Variants in CUX1 observed in about 807,000 individuals in gnomAD.
CUX1 encodes cut like homeobox 1.
A neutral mutation model predicts 158.8 loss-of-function variants in CUX1; 31 were observed. The observed-to-expected ratio is 0.20, with a 90% CI of 0.15 to 0.26. The LOEUF (loss-of-function observed/expected upper bound fraction) is 0.26. Among genes scored for constraint, CUX1 ranks in the 10% least tolerant of loss-of-function variants. The probability of loss-of-function intolerance (pLI) is 1.00; values close to 1 mark genes in which losing one functional copy is unlikely to be tolerated. For synonymous variants in CUX1, 879 were observed against 862.1 expected (o/e 1.02, Z -0.34); for missense variants, 1,589 against 2,014.6 (o/e 0.79, Z 4.04).
chr7:102,078,573 A>C (rs1827030247), intron 4 of CUX1, among the ~76,000 whole-genome samples: 1 of 152,182 alleles, frequency 6.6e-6, no homozygotes, highest in Non-Finnish European at 1.5e-5. Context: ...AAACCCTTCA[A>C]ATATAAAGGC....
At chr7:102,103,041 TCTG>T (rs1238486654) in intron 5 of CUX1, among the ~76,000 whole-genome samples, 2 of 152,170 alleles carry the variant, frequency 1.3e-5, no homozygotes, top group African/African-American at 4.8e-5. Flanking sequence ...TGAGGTGATG[TCTG>T]TGAACCTGCA....
At chr7:102,114,539 A>T (rs925523167) in intron 7 of CUX1, among the ~76,000 whole-genome samples, 3 of 152,200 alleles carry the variant, frequency 2.0e-5, no homozygotes, top group Non-Finnish European at 2.9e-5. Context: ...AGCCTCCCAA[A>T]GTGTGAGCCA....
intron 8 of CUX1, among the ~76,000 whole-genome samples, chr7:102,149,400 C>T (rs184554398): frequency 9.9e-4 from 19 of 19,118 alleles, no homozygotes; most frequent in African/African-American, 4.0e-3. Flanking sequence ...GGGGTCCCTG[C>T]CCACCCACCC....
intron 22 of CUX1, among the ~76,000 whole-genome samples, chr7:102,235,143 C>T (rs1799415100): frequency 6.6e-6 from 1 of 152,246 alleles, no homozygotes. Context: ...GTTCTTCTTG[C>T]AGCCTGTAGG....
intron 1 of CUX1, among the ~76,000 whole-genome samples, chr7:101,875,864 T>G (rs181100833): frequency 6.6e-6 from 1 of 152,262 alleles, no homozygotes; most frequent in East Asian, 1.9e-4. Flanking sequence ...TGACTTTCTC[T>G]CTGATTTTTA....
chr7:102,122,526 C>T (rs546016607), intron 8 of CUX1, among the ~76,000 whole-genome samples: 4 of 152,038 alleles, frequency 2.6e-5, no homozygotes, highest in Non-Finnish European at 5.9e-5. Context: ...AAGGATTTTC[C>T]TTGTCTTTTG....
At chr7:101,857,329 A>C (rs1186289091) in intron 1 of CUX1, among the ~76,000 whole-genome samples, 1 of 152,122 alleles carries the variant, frequency 6.6e-6, no homozygotes, top group Non-Finnish European at 1.5e-5. Context: ...AGAAATAACT[A>C]TTTTCTTCTT....
chr7:102,060,608 A>AACACACACACACACACACACACAC (rs58786987), intron 3 of CUX1, among the ~76,000 whole-genome samples: 12 of 133,306 alleles, frequency 9.0e-5, no homozygotes, highest in East Asian at 6.9e-4. Context: ...CACACAAATA[A>AACACACACACACACACACACACAC]ACACACACAC....
chr7:102,084,941 T>C (rs1827814414), intron 4 of CUX1, among the ~76,000 whole-genome samples: 1 of 145,140 alleles, frequency 6.9e-6, no homozygotes, highest in Admixed American at 7.1e-5. Flanking sequence ...CATCCTTGCC[T>C]TGGACCCAAC....
chr7:101,861,828 G>A (rs1430538213), intron 1 of CUX1, among the ~76,000 whole-genome samples: 2 of 150,088 alleles, frequency 1.3e-5, no homozygotes, highest in East Asian at 2.0e-4. Flanking sequence ...GCGGTGGCAC[G>A]ATCTCGGCTT....
At chr7:101,905,446 C>G (rs1562988681) in intron 1 of CUX1, among the ~76,000 whole-genome samples, 1 of 152,234 alleles carries the variant, frequency 6.6e-6, no homozygotes, top group Non-Finnish European at 1.5e-5. Context: ...TTGCGCCCAT[C>G]TTACAGACTC....
At chr7:101,881,464 C>T (rs1799697389) in intron 1 of CUX1, among the ~76,000 whole-genome samples, 1 of 152,226 alleles carries the variant, frequency 6.6e-6, no homozygotes, top group African/African-American at 2.4e-5. Flanking sequence ...ACACTGACTA[C>T]CTCCCTTGAT....
chr7:102,012,923 A>G (rs937661142), intron 2 of CUX1, among the ~76,000 whole-genome samples: 5 of 152,068 alleles, frequency 3.3e-5, no homozygotes, highest in Non-Finnish European at 7.4e-5. Flanking sequence ...AGCACCAACC[A>G]CGGTTTTTCA....
chr7:102,188,708 G>A (rs1271158327), intron 11 of CUX1: 1 of 151,862 alleles, frequency 6.6e-6, no homozygotes, highest in Non-Finnish European at 1.5e-5. Context: ...TACTGGGGAG[G>A]CTAAGGCAGG....
intron 1 of CUX1, among the ~76,000 whole-genome samples, chr7:101,880,127 T>TC (rs1274852753): frequency 6.6e-5 from 10 of 152,076 alleles, no homozygotes; most frequent in Non-Finnish European, 1.0e-4. Flanking sequence ...GCACAAAAAC[T>TC]CCAAGTGTGA....
intron 16 of CUX1, chr7:102,275,168 C>G: frequency 9.8e-7 from 1 of 1,015,510 alleles, no homozygotes; most frequent in African/African-American, 1.6e-5. Context: ...TCCCCCAGGG[C>G]TGGGGGACCC....
At position 102,204,458 on chromosome 7, in the gene CUX1, C is replaced by T. The variant is rs782015147; in HGVS notation, c.2975C>T (p.Thr992Met). 1.2e-6 allele frequency: 2 copies of T among 1,613,806 alleles called. No homozygotes were observed. Among genetic ancestry groups the T allele is most frequent in the Non-Finnish European group, 1.7e-6 (2 of 1,180,038 alleles). The stretch of plus-strand genomic sequence containing the variant: ...CGACCGAAGCCATGGAGCAAGCTGA[C>T]GCAGAAAGGCCGAGAACCCTTCATC... ...LSRPKPWSKL[T>M]QKGREPFIRM... The change falls in exon 19 of 24, where the codon ACG (threonine) becomes ATG (methionine). Residue 992 changes from threonine (T) to methionine (M), a missense_variant. By Grantham distance (81) the Thr-to-Met change is moderately conservative. This residue lies in a region of CUX1 where 29 missense variants were observed against 66.6 expected (regional missense o/e 0.44). Coordinates refer to ENST00000292535, the MANE Select transcript of CUX1 (RefSeq NM_181552.4).
chr7:102,188,336 C>T (rs1007972883), intron 11 of CUX1, among the ~76,000 whole-genome samples: 5 of 152,164 alleles, frequency 3.3e-5, no homozygotes, highest in Admixed American at 1.3e-4. Flanking sequence ...CTCCCGGCAC[C>T]GCCCCTCCAT....
chr7:102,163,293 C>G (rs2131612189), intron 9 of CUX1, among the ~76,000 whole-genome samples: 1 of 151,638 alleles, frequency 6.6e-6, no homozygotes, highest in East Asian at 1.9e-4. Flanking sequence ...TGAGACCAGC[C>G]TGGGCAACAT....
Sources: gnomAD v4.1 joint callset for allele counts (sites outside exome capture counted in the v4.1 genomes callset) on GRCh38, gnomAD v4.1.1 for gene constraint, gnomAD v4.1.1 regional missense constraint, MANE v1.5 for transcripts, NCBI Gene and HGNC (gene_info 2026-07-23, HGNC 2026-07-21) for gene names.